Variants in PCDHGA11 observed in about 807,000 individuals in gnomAD.
PCDHGA11 encodes the protein protocadherin gamma-A11.
Under a neutral mutation model 60.4 loss-of-function variants are expected in PCDHGA11, and 39 were observed. The ratio of observed to expected loss-of-function variants is 0.65; its 90% CI spans 0.50 to 0.84. The LOEUF (loss-of-function observed/expected upper bound fraction) is 0.84. Among genes scored for constraint, PCDHGA11 ranks in the 40% least tolerant of loss-of-function variants. The pLI is 0.00. For missense variants in PCDHGA11, 1,165 were observed against 1,197.7 expected, an observed-to-expected ratio of 0.97 and a Z score of 0.40; for synonymous variants, 533 against 510.3, an observed-to-expected ratio of 1.04 and a Z score of -0.60.
chr5:141,473,975 G>T (rs188916402), intron 1 of PCDHGA11, among the ~76,000 whole-genome samples: 1 of 152,104 alleles, frequency 6.6e-6, no homozygotes, highest in Non-Finnish European at 1.5e-5. Flanking sequence ...AGTCTGAGGC[G>T]GGAGGATCCC....
chr5:141,503,268 C>A (rs1038268807), intron 2 of PCDHGA11, among the ~76,000 whole-genome samples: 6 of 152,068 alleles, frequency 3.9e-5, no homozygotes, highest in African/African-American at 7.2e-5. Context: ...AACCCCAGCA[C>A]CTGGCTCTGT....
chr5:141,445,115 A>G (rs1038787011), intron 1 of PCDHGA11, among the ~76,000 whole-genome samples: 1 of 152,308 alleles, frequency 6.6e-6, no homozygotes, highest in East Asian at 1.9e-4. Flanking sequence ...GTTATTGTAA[A>G]TAGTATTTTT....
Position 141,490,192 on chromosome 5 carries a change from A to C in PCDHGA11, c.2434-4615A>C. 1 of 1,614,182 alleles carries C rather than the reference A, an allele frequency of 6.2e-7. No homozygotes were observed. Among genetic ancestry groups the C allele is most frequent in the South Asian group, 1.1e-5 (1 of 91,082 alleles). On this transcript the variant is annotated intron_variant, in intron 1 of 3. Coordinates refer to ENST00000398587, the MANE Select transcript of PCDHGA11 (RefSeq NM_018914.3). The surrounding 1 kb of genome is among the most constrained non-coding windows in gnomAD (Gnocchi z 5.4). Reference sequence around the variant, plus strand: ...CTTTGAGGAGTCACGTTTCTATGAAATTCATGCAAGAGCCCGTGACCAGGG... The same window carrying C: ...CTTTGAGGAGTCACGTTTCTATGAACTTCATGCAAGAGCCCGTGACCAGGG...
At position 141,432,880 on chromosome 5, in the gene PCDHGA11, C is replaced by A. The variant is rs865848752; in HGVS notation, c.2433+9220C>A. 3 of 1,614,194 alleles carry A rather than the reference C, an allele frequency of 1.9e-6. No homozygotes were observed. The highest frequency in any genetic ancestry group is 2.5e-6 in the Non-Finnish European group (3 of 1,180,008). ...CGGTCTCCTGCGTCTTCCTGGCCTT[C>A]GTCATCTTGCTGCTGGCGCTCAGGC... On this transcript the variant is annotated intron_variant, in intron 1 of 3. Coordinates refer to ENST00000398587, the MANE Select transcript of PCDHGA11 (RefSeq NM_018914.3). The surrounding 1 kb of genome is among the most constrained non-coding windows in gnomAD (Gnocchi z 6.0).
intron 3 of PCDHGA11, among the ~76,000 whole-genome samples, chr5:141,509,636 C>T (rs1199892148): frequency 6.6e-6 from 1 of 152,164 alleles, no homozygotes; most frequent in Non-Finnish European, 1.5e-5. Context: ...TGATGCTGAG[C>T]CAGGGCCAGA....
rs530622003 is a variant in PCDHGA11, at chr5:141,437,077, T to G, written c.2433+13417T>G. ...TGATCATTATTTGGTTTGGGCCATA[T>G]AAGAATTGAAACTAACGGCTTAGCT... On this transcript the variant is annotated intron_variant, in intron 1 of 3. Transcript: ENST00000398587. Among the ~76,000 whole-genome samples, 107 of 152,372 alleles carry G rather than the reference T, an allele frequency of 7.0e-4. 1 individual carries two copies. The highest frequency in any genetic ancestry group is 6.4e-3 in the South Asian group (31 of 4,828).
chr5:141,422,849 C>T lies in PCDHGA11; in HGVS notation c.1622C>T (p.Pro541Leu). Residue 541 changes from proline (P) to leucine (L), a missense_variant, in exon 1 of 4, where the codon CCG (proline) becomes CTG (leucine). Pro to Leu is a moderately conservative substitution (Grantham distance 98, BLOSUM62 -3). Coordinates refer to ENST00000398587, the MANE Select transcript of PCDHGA11 (RefSeq NM_018914.3). ...LRVIARDSGDPPLSSNVSLSL... is the reference protein window; with the variant it reads ...LRVIARDSGDLPLSSNVSLSL... ...GTGATAGCACGTGACAGCGGGGACCCGCCCCTCAGCAGCAACGTGTCGCTG... is the reference window on the plus strand; with the variant it reads ...GTGATAGCACGTGACAGCGGGGACCTGCCCCTCAGCAGCAACGTGTCGCTG... 6.2e-7 allele frequency: 1 copy of T among 1,614,238 alleles called. No homozygotes were observed. The highest frequency in any genetic ancestry group is 8.5e-7 in the Non-Finnish European group (1 of 1,180,042).
chr5:141,476,184 T>C lies in PCDHGA11; in HGVS notation c.2434-18623T>C, dbSNP rs1038598087. ...AGGGTAGTGGGAGTTTTGCTTCTGC[T>C]TGGTGCCTTGAACAAGGCTTCCACG... On this transcript the variant is annotated intron_variant, in intron 1 of 3. Coordinates refer to ENST00000398587, the MANE Select transcript of PCDHGA11 (RefSeq NM_018914.3). The surrounding 1 kb of genome is among the most constrained non-coding windows in gnomAD (Gnocchi z 7.6). 1 of 1,613,708 alleles carries C rather than the reference T, an allele frequency of 6.2e-7. No homozygotes were observed. Among genetic ancestry groups the C allele is most frequent in the Non-Finnish European group, 8.5e-7 (1 of 1,179,992 alleles).
intron 1 of PCDHGA11, among the ~76,000 whole-genome samples, chr5:141,483,373 G>A (rs1410856257): frequency 6.6e-6 from 1 of 152,166 alleles, no homozygotes; most frequent in Admixed American, 6.5e-5. Flanking sequence ...TGCAATATTT[G>A]AAGAGAAGAT....
At chr5:141,426,539 T>C in intron 1 of PCDHGA11, 2 of 347,388 alleles carry the variant, frequency 5.8e-6, no homozygotes, top group South Asian at 4.4e-5. Flanking sequence ...GGGAACATAC[T>C]TGTGAGTGAC....
intron 2 of PCDHGA11, among the ~76,000 whole-genome samples, chr5:141,505,069 G>A (rs2099843308): frequency 2.0e-5 from 3 of 152,340 alleles, no homozygotes; most frequent in East Asian, 1.9e-4. Flanking sequence ...GACTGAGGCA[G>A]GAGAATCGCT....
intron 1 of PCDHGA11, among the ~76,000 whole-genome samples, chr5:141,445,652 A>C (rs1307606419): frequency 6.6e-6 from 1 of 152,212 alleles, no homozygotes; most frequent in African/African-American, 2.4e-5. Context: ...TGAATAGATT[A>C]ATAGGATGAG....
At chr5:141,481,656 A>G (rs1425280340) in intron 1 of PCDHGA11, among the ~76,000 whole-genome samples, 1 of 152,084 alleles carries the variant, frequency 6.6e-6, no homozygotes, top group Non-Finnish European at 1.5e-5. Context: ...CATCTCTACT[A>G]ATAATACAAA....
chr5:141,495,892 TTGTCTC>T (rs1035324353), intron 2 of PCDHGA11, among the ~76,000 whole-genome samples: 1 of 152,198 alleles, frequency 6.6e-6, no homozygotes, highest in Admixed American at 6.5e-5. Flanking sequence ...TTGTCTCTCT[TTGTCTC>T]TGTCTCTGTA....
chr5:141,488,939 T>C (rs1229571704), intron 1 of PCDHGA11, among the ~76,000 whole-genome samples: 1 of 152,114 alleles, frequency 6.6e-6, no homozygotes, highest in Non-Finnish European at 1.5e-5. Context: ...GGAAACTCCA[T>C]AATTGGTTGA....
intron 1 of PCDHGA11, among the ~76,000 whole-genome samples, chr5:141,455,291 A>G (rs1212745731): frequency 6.6e-6 from 1 of 152,072 alleles, no homozygotes; most frequent in Non-Finnish European, 1.5e-5. Flanking sequence ...CACTTTACAT[A>G]GTTTCATCTT....
intron 2 of PCDHGA11, among the ~76,000 whole-genome samples, chr5:141,501,984 G>A (rs989251578): frequency 2.0e-5 from 3 of 152,042 alleles, no homozygotes; most frequent in African/African-American, 4.8e-5. Context: ...ATCTGGTCCC[G>A]TTGTCTCCCT....
rs781198519 is a variant in PCDHGA11 at position 141,432,162 on chromosome 5, G to A, written c.2433+8502G>A. ...TATATCCCAGAGAACAATCCCAGAG[G>A]AGTTTCCCTCGTCTCTGTGACCGCC... On this transcript the variant is annotated intron_variant, in intron 1 of 3. Coordinates refer to ENST00000398587, the MANE Select transcript of PCDHGA11 (RefSeq NM_018914.3). The surrounding 1 kb of genome is among the most constrained non-coding windows in gnomAD (Gnocchi z 6.0). 1 of 1,614,070 alleles carries A rather than the reference G, an allele frequency of 6.2e-7. No homozygotes were observed. The highest frequency in any genetic ancestry group is 8.5e-7 in the Non-Finnish European group (1 of 1,180,030).
chr5:141,462,852 T>C (rs1334709435), intron 1 of PCDHGA11, among the ~76,000 whole-genome samples: 1 of 152,202 alleles, frequency 6.6e-6, no homozygotes. Flanking sequence ...TTTTGAGTGT[T>C]TGGATTTTGT....
Sources: gnomAD v4.1 joint callset for allele counts (sites outside exome capture counted in the v4.1 genomes callset) on GRCh38, gnomAD v4.1.1 for gene constraint, Gnocchi (gnomAD v3.1) non-coding constraint, MANE v1.5 for transcripts, NCBI Gene and HGNC (gene_info 2026-07-23, HGNC 2026-07-21) for gene names.